AP2A1: variants seen among roughly 807,000 people sequenced by gnomAD.
AP2A1 encodes the protein adaptor related protein complex 2 subunit alpha 1.
A neutral mutation model predicts 107.3 loss-of-function variants in AP2A1; 21 were observed. That is an observed-to-expected ratio of 0.20 (90% CI 0.14 to 0.28). The LOEUF (loss-of-function observed/expected upper bound fraction) is 0.28, where lower values mean the gene tolerates loss of function less well. Among genes scored for constraint, AP2A1 ranks in the 10% least tolerant of loss-of-function variants. The probability of loss-of-function intolerance (pLI) is 1.00; values close to 1 mark genes in which losing one functional copy is unlikely to be tolerated. For missense variants in AP2A1, 873 were observed against 1,307.7 expected, an observed-to-expected ratio of 0.67 and a Z score of 5.13; for synonymous variants, 602 against 564.8, an observed-to-expected ratio of 1.07 and a Z score of -0.93.
chr19:49,788,656 A>T lies in AP2A1; in HGVS notation c.474-3279A>T, dbSNP rs1439448322. On this transcript the variant is annotated intron_variant, in intron 4 of 22. Transcript: ENST00000354293. The surrounding 1 kb of genome is among the most constrained non-coding windows in gnomAD (Gnocchi z 4.5). ...GAGATGCACTGTGGCTCGGGAGATGAGCGCCATGACAGAGATGGGAAGGTG... is the reference window on the plus strand; with the variant it reads ...GAGATGCACTGTGGCTCGGGAGATGTGCGCCATGACAGAGATGGGAAGGTG... Among the ~76,000 whole-genome samples the T allele has an allele frequency of 6.2e-5, 8 of 129,512 alleles. No individual in the cohort carries two copies. The highest frequency in any genetic ancestry group is 1.3e-4 in the Non-Finnish European group (8 of 61,880). The allele number at this position is 129,512 out of a possible 152,430, so 85.0% of individuals were successfully genotyped here.
At chr19:49,804,505 A>T (rs1209474356) in intron 18 of AP2A1, 2 of 150,216 alleles carry the variant, frequency 1.3e-5, no homozygotes, top group Non-Finnish European at 3.0e-5. Context: ...GCGCCGCTGC[A>T]CTCCAGCCTG....
intron 4 of AP2A1, 85 bp from the exon 5 acceptor site, chr19:49,791,850 C>T (rs995776775): frequency 5.3e-6 from 8 of 1,500,720 alleles, no homozygotes; most frequent in South Asian, 1.2e-5. Context: ...GCACACCCTT[C>T]CTGGGAGGAA....
chr19:49,772,862 CTG>C (rs946422509), intron 1 of AP2A1, among the ~76,000 whole-genome samples: 3 of 151,960 alleles, frequency 2.0e-5, no homozygotes, highest in African/African-American at 4.8e-5. Context: ...GAGAAAAGGG[CTG>C]TGTGGCTGGT....
chr19:49,787,341 T>G (rs1306976816), intron 4 of AP2A1, among the ~76,000 whole-genome samples: 71 of 107,500 alleles, frequency 6.6e-4, no homozygotes, highest in African/African-American at 2.7e-3. Flanking sequence ...TTTGTTTGTT[T>G]TTTTTGTTTT....
chr19:49,803,989 C>T (rs2073327161), intron 18 of AP2A1: 1 of 155,080 alleles, frequency 6.4e-6, no homozygotes, highest in African/African-American at 2.4e-5. Flanking sequence ...GTAATCCCAG[C>T]ACTGGCAGGC....
chr19:49,798,309 G>T (rs1041222327), intron 7 of AP2A1, among the ~76,000 whole-genome samples: 1 of 152,178 alleles, frequency 6.6e-6, no homozygotes, highest in African/African-American at 2.4e-5. Context: ...TCTAGGCCAG[G>T]AGGATGGCAC....
At chr19:49,778,398 C>A (rs1281706227) in intron 1 of AP2A1, among the ~76,000 whole-genome samples, 2 of 152,120 alleles carry the variant, frequency 1.3e-5, no homozygotes, top group African/African-American at 2.4e-5. Flanking sequence ...GCCTGGCCAA[C>A]GTGGTGAAAC....
At chr19:49,783,931 T>C (rs1351737126) in intron 4 of AP2A1, among the ~76,000 whole-genome samples, 1 of 152,204 alleles carries the variant, frequency 6.6e-6, no homozygotes, top group Non-Finnish European at 1.5e-5. Context: ...CAAAAGCCCC[T>C]AAGTCAACCT....
At position 49,785,532 on chromosome 19, in the gene AP2A1, G is replaced by T. The variant is rs1190066492; in HGVS notation, c.473+2808G>T. On this transcript the variant is annotated intron_variant, in intron 4 of 22. Transcript: ENST00000354293. This position sits in a 1 kb window ranked among gnomAD's most constrained non-coding sequence, Gnocchi z 4.1. ...TTTGAGATGTGTATTAGACATCTGA[G>T]TAGGACTCTGGGGAGGAAGTTGGAT... Among the ~76,000 whole-genome samples the T allele has an allele frequency of 6.6e-6, 1 of 152,146 alleles. No individual in the cohort carries two copies. The highest frequency in any genetic ancestry group is 1.5e-5 in the Non-Finnish European group (1 of 68,032).
Position 49,807,020 on chromosome 19 carries a change from T to TGG in AP2A1, c.*262_*263insGG. On this transcript the variant is annotated 3_prime_UTR_variant, in exon 23 of 23. Transcript: ENST00000354293. Reference sequence around the variant, plus strand: ...AGGGGCCAGGGAAGTGGATGTCTCCTCCCCTCCCACCCCACCCTGTTGTAG... The same window carrying TGG: ...AGGGGCCAGGGAAGTGGATGTCTCCTGGCCCCTCCCACCCCACCCTGTTGTAG... 9.0e-5 allele frequency: 120 copies of TGG among 1,337,176 alleles called. No individual in the cohort carries two copies. Among genetic ancestry groups the TGG allele is most frequent in the Non-Finnish European group, 1.1e-4 (110 of 995,636 alleles). The allele number at this position is 1,337,176 out of a possible 1,614,324, so 82.8% of individuals were successfully genotyped here.
intron 4 of AP2A1, among the ~76,000 whole-genome samples, chr19:49,782,935 C>A (rs555543480): frequency 2.6e-5 from 4 of 152,204 alleles, no homozygotes; most frequent in Non-Finnish European, 5.9e-5. Flanking sequence ...AGGCTGCTCC[C>A]GGCAAAGCCA....
rs750242853 is a variant in AP2A1, at chr19:49,767,208, C to T, written c.67+8C>T. On this transcript the variant is annotated splice_region_variant and intron_variant, in intron 1 of 22. Transcript: ENST00000354293. Reference sequence around the variant, plus strand: ...TCTCCGACATCCGGAACTGTGAGCGCGCGGCCGGGGGACACTGGAGACGCG... The same window carrying T: ...TCTCCGACATCCGGAACTGTGAGCGTGCGGCCGGGGGACACTGGAGACGCG... 19 of 1,611,084 alleles carry T rather than the reference C, an allele frequency of 1.2e-5. No homozygotes were observed. Among genetic ancestry groups the T allele is most frequent in the Non-Finnish European group, 1.6e-5 (19 of 1,179,634 alleles).
chr19:49,805,190 C>G, intron 18 of AP2A1: 1 of 417,240 alleles, frequency 2.4e-6, no homozygotes, highest in Non-Finnish European at 4.2e-6. Flanking sequence ...GGATTCAAAC[C>G]CAAGTCAGCC....
In AP2A1 at chr19:49,802,154, G is replaced by A; in HGVS notation, c.2114+13G>A. Reference sequence around the variant, plus strand: ...AGGCCTTCCTCAGGTAGCACCCCCTGGGCCCGGGCCCCTTCTCGCGGCCAC... The same window carrying A: ...AGGCCTTCCTCAGGTAGCACCCCCTAGGCCCGGGCCCCTTCTCGCGGCCAC... On this transcript the variant is annotated intron_variant, in intron 15 of 22. Transcript: ENST00000354293. 6.5e-7 allele frequency: 1 copy of A among 1,543,412 alleles called. No homozygotes were observed. The highest frequency in any genetic ancestry group is 8.7e-7 in the Non-Finnish European group (1 of 1,150,346).
At chr19:49,782,422 CT>C (rs1214222810) in intron 3 of AP2A1, 108 bp from the exon 4 acceptor site, 4 of 1,222,482 alleles carry the variant, frequency 3.3e-6, no homozygotes, top group Non-Finnish European at 4.5e-6. Flanking sequence ...GGGGCCTGGA[CT>C]CCTGGGTCTG....
intron 1 of AP2A1, among the ~76,000 whole-genome samples, chr19:49,773,911 C>G (rs1177288811): frequency 6.6e-6 from 1 of 152,134 alleles, no homozygotes; most frequent in Non-Finnish European, 1.5e-5. Flanking sequence ...CAGCTCCTGC[C>G]TTGGAGAGAG....
At chr19:49,772,252 T>C (rs866463872) in intron 1 of AP2A1, among the ~76,000 whole-genome samples, 156 of 113,040 alleles carry the variant, frequency 1.4e-3, no homozygotes, top group African/African-American at 4.9e-3. Flanking sequence ...TAGAGTTTTT[T>C]TTTTTTTTTT....
intron 1 of AP2A1, among the ~76,000 whole-genome samples, chr19:49,773,804 G>T (rs2084589718): frequency 6.6e-6 from 1 of 152,172 alleles, no homozygotes; most frequent in African/African-American, 2.4e-5. Flanking sequence ...GTGGGGGAAT[G>T]GTGCATGCAT....
Position 49,795,611 on chromosome 19 carries a change from TC to T in AP2A1, c.706-18del. The T allele has an allele frequency of 6.9e-7, 1 of 1,446,516 alleles. No individual in the cohort carries two copies. Among genetic ancestry groups the T allele is most frequent in the Non-Finnish European group, 9.5e-7 (1 of 1,053,638 alleles). 89.6% of individuals were successfully genotyped at this position (1,446,516 alleles called of 1,614,324 possible). A position where few individuals can be genotyped will look rare whatever the true frequency, so the allele number is the denominator to read the frequency against. ...CTCCCACCCCAGCCCCCAACTTATT[TC>T]TTGCTCTTCCCCGCCAGATCGTCTC... On this transcript the variant is annotated intron_variant, in intron 6 of 22. Coordinates refer to ENST00000354293, the MANE Select transcript of AP2A1 (RefSeq NM_130787.3).
Sources: allele counts gnomAD v4.1 joint callset (sites outside exome capture counted in the v4.1 genomes callset), GRCh38; gene constraint gnomAD v4.1.1; non-coding constraint Gnocchi (gnomAD v3.1); transcripts MANE v1.5; gene names NCBI Gene and HGNC (gene_info 2026-07-23, HGNC 2026-07-21).